NUF2: variants seen among roughly 807,000 people sequenced by gnomAD.
The protein encoded by NUF2 is kinetochore protein Nuf2.
Under a neutral mutation model 61.8 loss-of-function variants are expected in NUF2, and 34 were observed. The observed-to-expected ratio is 0.55, with a 90% CI of 0.42 to 0.73. The LOEUF (loss-of-function observed/expected upper bound fraction) is 0.73, where lower values mean the gene tolerates loss of function less well. NUF2 is among the 30% of genes least tolerant of loss of function. The pLI, the probability that NUF2 is intolerant of heterozygous loss-of-function variation, is 0.00. For missense variants in NUF2, 445 were observed against 539.1 expected (o/e 0.83, Z 1.73); for synonymous variants, 172 against 181.6 (o/e 0.95, Z 0.42).
intron 13 of NUF2, among the ~76,000 whole-genome samples, chr1:163,352,886 A>G (rs1049126708): frequency 2.6e-5 from 4 of 151,878 alleles, no homozygotes; most frequent in Non-Finnish European, 5.9e-5. Flanking sequence ...AAAATATTCT[A>G]TCTAAGCTAA....
intron 10 of NUF2, among the ~76,000 whole-genome samples, chr1:163,344,333 T>C (rs1050515691): frequency 1.4e-4 from 22 of 151,760 alleles, no homozygotes; most frequent in African/African-American, 4.8e-4. Flanking sequence ...ATTAATGGTA[T>C]CAGAAAGAGG....
chr1:163,332,816 A>G (rs1266069278), intron 5 of NUF2, among the ~76,000 whole-genome samples: 1 of 152,162 alleles, frequency 6.6e-6, no homozygotes, highest in African/African-American at 2.4e-5. Context: ...CTTCAATTAT[A>G]CTTATAAAGC....
intron 9 of NUF2, among the ~76,000 whole-genome samples, chr1:163,341,822 G>A (rs1446720186): frequency 6.6e-6 from 1 of 151,968 alleles, no homozygotes; most frequent in Non-Finnish European, 1.5e-5. Flanking sequence ...TAGAGATGGG[G>A]TTTTACCATG....
Position 163,347,941 on chromosome 1 carries a change from A to AT in NUF2, c.1124+4dup, listed in dbSNP as rs1418904395. 5 of 1,506,084 alleles carry AT rather than the reference A, an allele frequency of 3.3e-6. No individual in the cohort carries two copies. Among genetic ancestry groups the AT allele is most frequent in the Non-Finnish European group, 4.4e-6 (5 of 1,125,566 alleles). 93.3% of individuals were successfully genotyped at this position (1,506,084 alleles called of 1,614,324 possible). A position where few individuals can be genotyped will look rare whatever the true frequency, so the allele number is the denominator to read the frequency against. On this transcript the variant is annotated splice_donor_region_variant and intron_variant, in intron 12 of 13. Transcript: ENST00000271452. The stretch of plus-strand genomic sequence containing the variant: ...CAATACAAACGCACAGTAATTGAGT[A>AT]TGGAGTTGTTTTCAATTTTAGTGTA...
chr1:163,328,978 T>TAA (rs5778324), intron 5 of NUF2, 71 bp downstream of exon 5: 2,443 of 473,676 alleles, frequency 5.2e-3, no homozygotes, highest in South Asian at 8.6e-3. Context: ...TCAGTAAATG[T>TAA]AAAAAAAAAA....
Position 163,339,441 on chromosome 1 carries a change from A to G in NUF2, c.570A>G (p.Leu190=), listed in dbSNP as rs754296888. The change falls in exon 8 of 14, where the codon CTA becomes CTG. Residue 190 remains leucine, a synonymous_variant. Transcript: ENST00000271452. ...FKQLSDGIQE[L]QQSLNQDFHQ... ...AGCTTTCAGATGGAATTCAGGAGCTACAACAATCACTAAATCAGGATTTTC... is the reference window on the plus strand; with the variant it reads ...AGCTTTCAGATGGAATTCAGGAGCTGCAACAATCACTAAATCAGGATTTTC... 4 of 1,612,320 alleles carry G rather than the reference A, an allele frequency of 2.5e-6. No homozygotes were observed. The highest frequency in any genetic ancestry group is 3.4e-6 in the Non-Finnish European group (4 of 1,178,550).
chr1:163,327,752 A>G (rs1176544957), intron 3 of NUF2, 190 bp downstream of exon 3: 1 of 551,402 alleles, frequency 1.8e-6, no homozygotes, highest in Admixed American at 3.4e-5. Flanking sequence ...AATGGTTTAT[A>G]TCCATAGATT....
In NUF2 at chr1:163,349,018, A is replaced by G. The variant is rs1210184436; in HGVS notation, c.1198A>G (p.Lys400Glu). 6.2e-7 allele frequency: 1 copy of G among 1,612,206 alleles called. No individual in the cohort carries two copies. The highest frequency in any genetic ancestry group is 2.2e-5 in the East Asian group (1 of 44,752). Residue 400 changes from lysine to glutamate, a missense_variant, in exon 13 of 14, where the codon AAA becomes GAA. Physicochemically the swap from Lys to Glu is moderately conservative, Grantham distance 56. Coordinates refer to ENST00000271452, the MANE Select transcript of NUF2 (RefSeq NM_145697.3). The stretch of plus-strand genomic sequence containing the variant: ...AACCACAATTAATCAAGAAATCCAA[A>G]AAATTAAACTTGGAATTCAACAACT... ...RVTTINQEIQ[K>E]IKLGIQQLKD...
Position 163,355,466 on chromosome 1 carries a change from C to G in NUF2, c.1392C>G (p.Thr464=), listed in dbSNP as rs1382617131. The G allele has an allele frequency of 1.9e-6, 3 of 1,585,740 alleles. No homozygotes were observed. The South Asian group carries it at 3.5e-5, about 19-fold the overall frequency. Reference sequence around the variant, plus strand: ...AGAGGAAGATGTTCAAAATGTCAACCTGATTAACAAAATTACATGTCTTTT... The same window carrying G: ...AGAGGAAGATGTTCAAAATGTCAACGTGATTAACAAAATTACATGTCTTTT... The part of the protein sequence containing the change: ...ELKRKMFKMS[T] Residue 464 remains threonine (T), a synonymous_variant, in exon 14 of 14, where the codon ACC becomes ACG. Transcript: ENST00000271452.
chr1:163,338,986 G>A (rs564401413), intron 7 of NUF2, among the ~76,000 whole-genome samples: 11 of 152,240 alleles, frequency 7.2e-5, no homozygotes, highest in East Asian at 1.9e-4. Context: ...ACTTGAACAC[G>A]TGTAAGTGTT....
At chr1:163,349,727 A>G (rs1651249591) in intron 13 of NUF2, among the ~76,000 whole-genome samples, 1 of 152,178 alleles carries the variant, frequency 6.6e-6, no homozygotes, top group Non-Finnish European at 1.5e-5. Flanking sequence ...CTTATCCCCC[A>G]GAAAGATTAT....
chr1:163,341,297 C>T (rs567028279), intron 9 of NUF2, among the ~76,000 whole-genome samples: 4 of 152,218 alleles, frequency 2.6e-5, no homozygotes, highest in East Asian at 1.9e-4. Context: ...GCAACCTCCA[C>T]CTCCTGGGTT....
intron 13 of NUF2, among the ~76,000 whole-genome samples, chr1:163,353,642 T>C (rs1195778515): frequency 6.6e-6 from 1 of 152,240 alleles, no homozygotes; most frequent in Non-Finnish European, 1.5e-5. Context: ...GTAAAACTTA[T>C]TATATGTGAA....
At chr1:163,351,309 T>A (rs903031856) in intron 13 of NUF2, among the ~76,000 whole-genome samples, 1 of 152,234 alleles carries the variant, frequency 6.6e-6, no homozygotes, top group Non-Finnish European at 1.5e-5. Flanking sequence ...GACCTTGTGA[T>A]CAGTTAAAGG....
Position 163,336,665 on chromosome 1 carries a change from G to C in NUF2, c.338-86G>C. The C allele has an allele frequency of 3.7e-6, 3 of 802,466 alleles. No homozygotes were observed. In the East Asian group the frequency reaches 7.7e-5, roughly 21 times the overall value. 49.7% of individuals were successfully genotyped at this position (802,466 alleles called of 1,614,324 possible). ...AGTTTTATTTTATATATTATGAGCA[G>C]AATATATAGTGGAAGAGGATGAATT... On this transcript the variant is annotated intron_variant, in intron 5 of 13. Transcript: ENST00000271452.
chr1:163,342,449 A>C (rs1039357012), intron 9 of NUF2, among the ~76,000 whole-genome samples: 1 of 152,194 alleles, frequency 6.6e-6, no homozygotes, highest in Non-Finnish European at 1.5e-5. Context: ...AGAGTAGATA[A>C]TGTGGTGGTT....
intron 9 of NUF2, among the ~76,000 whole-genome samples, chr1:163,342,039 A>G (rs914138026): frequency 1.3e-5 from 2 of 152,232 alleles, no homozygotes; most frequent in Non-Finnish European, 2.9e-5. Context: ...GTTTTTATGT[A>G]GTAAAATTTA....
At position 163,327,403 on chromosome 1, in the gene NUF2, C is replaced by T. The variant is rs868067234; in HGVS notation, c.124-85C>T. Reference sequence around the variant, plus strand: ...TTGCCTTTTTCTTCTTTGCTTTCATCGATTATAATATTGTATGGTAATGAT... The same window carrying T: ...TTGCCTTTTTCTTCTTTGCTTTCATTGATTATAATATTGTATGGTAATGAT... On this transcript the variant is annotated intron_variant, in intron 2 of 13. Coordinates refer to ENST00000271452, the MANE Select transcript of NUF2 (RefSeq NM_145697.3). 1.1e-4 allele frequency: 80 copies of T among 710,654 alleles called. 4 individuals carry two copies. In the South Asian group the frequency reaches 1.4e-3, roughly 13 times the overall value. The allele number at this position is 710,654 out of a possible 1,614,324, so 44.0% of individuals were successfully genotyped here. A position where few individuals can be genotyped will look rare whatever the true frequency, so the allele number is the denominator to read the frequency against.
intron 3 of NUF2, 197 bp from the exon 4 acceptor site, chr1:163,328,031 T>C (rs1325578799): frequency 6.9e-6 from 3 of 434,924 alleles, no homozygotes; most frequent in Non-Finnish European, 1.2e-5. Flanking sequence ...ATTTTTAAAA[T>C]TCATTTAAAA....
Sources: gnomAD v4.1 joint callset for allele counts (sites outside exome capture counted in the v4.1 genomes callset) on GRCh38, gnomAD v4.1.1 for gene constraint, MANE v1.5 for transcripts, NCBI Gene and HGNC (gene_info 2026-07-23, HGNC 2026-07-21) for gene names.